SEMA3E: variants seen among roughly 807,000 people sequenced by gnomAD.
The protein encoded by SEMA3E is semaphorin-3E.
SEMA3E carries 49 observed loss-of-function variants against 93.6 expected under a neutral mutation model. The ratio of observed to expected loss-of-function variants is 0.52; its 90% CI spans 0.42 to 0.66. SEMA3E has a LOEUF of 0.66. Among genes scored for constraint, SEMA3E ranks in the 30% least tolerant of loss-of-function variants. SEMA3E has a pLI of 0.00. For missense variants in SEMA3E, 906 were observed against 964.8 expected (o/e 0.94, Z 0.81); for synonymous variants, 363 against 330.7 (o/e 1.10, Z -1.06).
chr7:83,427,634 G>T (rs74878046), intron 4 of SEMA3E, among the ~76,000 whole-genome samples: 1 of 152,106 alleles, frequency 6.6e-6, no homozygotes, highest in African/African-American at 2.4e-5. Flanking sequence ...AACTTCTCAC[G>T]TTATTTTGAG....
At chr7:83,408,049 A>G (rs1788360950) in intron 6 of SEMA3E, among the ~76,000 whole-genome samples, 1 of 152,172 alleles carries the variant, frequency 6.6e-6, no homozygotes, top group Non-Finnish European at 1.5e-5. Flanking sequence ...ATCAATTGAT[A>G]AAAGTAGACA....
chr7:83,500,557 GATC>G (rs1790577941), intron 1 of SEMA3E, among the ~76,000 whole-genome samples: 1 of 147,416 alleles, frequency 6.8e-6, no homozygotes, highest in African/African-American at 2.5e-5. Context: ...TTATAGGTAT[GATC>G]ATCATCTATA....
chr7:83,542,006 AG>A (rs1434017406), intron 1 of SEMA3E, among the ~76,000 whole-genome samples: 1 of 152,066 alleles, frequency 6.6e-6, no homozygotes, highest in Non-Finnish European at 1.5e-5. Context: ...ACATCCTTAT[AG>A]GATTTAGCTC....
chr7:83,431,159 TTTC>T (rs1788875379), intron 4 of SEMA3E, among the ~76,000 whole-genome samples: 1 of 151,354 alleles, frequency 6.6e-6, no homozygotes, highest in African/African-American at 2.4e-5. Flanking sequence ...AGGATATTTT[TTTC>T]TTCAATATAT....
At chr7:83,400,921 T>G (rs1258667697) in intron 10 of SEMA3E, among the ~76,000 whole-genome samples, 8 of 152,226 alleles carry the variant, frequency 5.3e-5, no homozygotes, top group Non-Finnish European at 1.0e-4. Context: ...ACAAAATAGC[T>G]TTACTACTAC....
intron 1 of SEMA3E, among the ~76,000 whole-genome samples, chr7:83,528,972 A>C (rs1271211193): frequency 6.6e-6 from 1 of 152,140 alleles, no homozygotes; most frequent in Non-Finnish European, 1.5e-5. Context: ...AAAGTGTCAT[A>C]TCTCTACAAA....
intron 4 of SEMA3E, among the ~76,000 whole-genome samples, chr7:83,427,722 C>G (rs1013015865): frequency 6.6e-6 from 1 of 152,112 alleles, no homozygotes; most frequent in Non-Finnish European, 1.5e-5. Flanking sequence ...TGATAAAATT[C>G]TCTTCCATAA....
At chr7:83,524,157 C>T (rs980406598) in intron 1 of SEMA3E, among the ~76,000 whole-genome samples, 1 of 152,082 alleles carries the variant, frequency 6.6e-6, no homozygotes, top group Non-Finnish European at 1.5e-5. Flanking sequence ...AAGCTTGCCT[C>T]ATAGACCTTG....
intron 16 of SEMA3E, among the ~76,000 whole-genome samples, chr7:83,373,719 A>T (rs1794781041): frequency 6.6e-6 from 1 of 152,180 alleles, no homozygotes; most frequent in Non-Finnish European, 1.5e-5. Flanking sequence ...ACGATATCAA[A>T]GGAGAAATTT....
In SEMA3E at chr7:83,367,918, G is replaced by A. The variant is rs1042512907; in HGVS notation, c.1996C>T (p.Arg666Cys). The change falls in exon 17 of 17, where the codon CGT becomes TGT. Residue 666 changes from arginine to cysteine, a missense_variant. Transcript: ENST00000643230. ...TCCACTACCTCCAAGGTGATTTTAC[G>A]GACCGTATGGACAAAGCTATGCTCT... is the stretch of plus-strand genomic sequence containing the variant. ...TVEHSFVHTV[R>C]KITLEVVEEE... 8 of 1,610,332 alleles carry A rather than the reference G, an allele frequency of 5.0e-6. No individual in the cohort carries two copies. The highest frequency in any genetic ancestry group is 4.5e-5 in the East Asian group (2 of 44,814).
At chr7:83,545,921 A>T (rs1791642074) in intron 1 of SEMA3E, among the ~76,000 whole-genome samples, 1 of 146,832 alleles carries the variant, frequency 6.8e-6, no homozygotes, top group East Asian at 1.9e-4. Flanking sequence ...TATATATTTT[A>T]TTGTGCATTT....
intron 10 of SEMA3E, among the ~76,000 whole-genome samples, chr7:83,401,729 T>C (rs1788237760): frequency 1.3e-5 from 2 of 152,096 alleles, no homozygotes; most frequent in African/African-American, 4.8e-5. Flanking sequence ...GTTTTTGCTC[T>C]ACAAAAATGG....
chr7:83,369,478 A>AT (rs1032659408), intron 16 of SEMA3E, among the ~76,000 whole-genome samples: 2 of 152,094 alleles, frequency 1.3e-5, no homozygotes, highest in African/African-American at 4.8e-5. Context: ...CCCCAAAGGC[A>AT]TTTTTTTCAG....
At chr7:83,516,978 G>A (rs935303101) in intron 1 of SEMA3E, among the ~76,000 whole-genome samples, 1 of 148,224 alleles carries the variant, frequency 6.7e-6, no homozygotes, top group Admixed American at 6.7e-5. Flanking sequence ...ATATAGAAAG[G>A]GAATTTGCTA....
chr7:83,370,073 T>C (rs956629131), intron 16 of SEMA3E, among the ~76,000 whole-genome samples: 1 of 152,164 alleles, frequency 6.6e-6, no homozygotes, highest in Non-Finnish European at 1.5e-5. Context: ...TACCTTAAGG[T>C]GCAATCCTCC....
intron 1 of SEMA3E, among the ~76,000 whole-genome samples, chr7:83,502,849 G>A (rs1425542276): frequency 2.6e-5 from 4 of 151,876 alleles, no homozygotes; most frequent in Non-Finnish European, 5.9e-5. Flanking sequence ...GGTTTATTTC[G>A]TAAGCACTAG....
At chr7:83,398,859 G>A (rs1016415359) in intron 11 of SEMA3E, among the ~76,000 whole-genome samples, 105 of 152,180 alleles carry the variant, frequency 6.9e-4, no homozygotes, top group African/African-American at 2.4e-3. Context: ...CAGGAGAATC[G>A]CTTGAGCCCG....
intron 1 of SEMA3E, among the ~76,000 whole-genome samples, chr7:83,589,823 T>A (rs1016144398): frequency 1.3e-5 from 2 of 152,070 alleles, no homozygotes; most frequent in Non-Finnish European, 2.9e-5. Context: ...TTGTATTGGA[T>A]CATTCAAATA....
At chr7:83,557,893 G>A (rs1481446651) in intron 1 of SEMA3E, among the ~76,000 whole-genome samples, 1 of 152,028 alleles carries the variant, frequency 6.6e-6, no homozygotes, top group Non-Finnish European at 1.5e-5. Context: ...TGTCCAAAAT[G>A]TACACAATAG....
Sources: allele counts gnomAD v4.1 joint callset (sites outside exome capture counted in the v4.1 genomes callset), GRCh38; gene constraint gnomAD v4.1.1; transcripts MANE v1.5; gene names NCBI Gene and HGNC (gene_info 2026-07-23, HGNC 2026-07-21).